Variants in KCNIP4 observed in about 807,000 individuals in gnomAD.
KCNIP4 encodes the protein Kv channel-interacting protein 4.
Under a neutral mutation model 34.0 loss-of-function variants are expected in KCNIP4, and 12 were observed. That is an observed-to-expected ratio of 0.35 (90% CI 0.23 to 0.57). The LOEUF is 0.57. Ranked by LOEUF, KCNIP4 falls within the 20% of genes least tolerant of loss-of-function variation. KCNIP4 has a pLI of 0.83. For missense variants in KCNIP4, 238 were observed against 311.7 expected (o/e 0.76, Z 1.78); for synonymous variants, 124 against 102.2 (o/e 1.21, Z -1.29).
chr4:21,829,925 G>A (rs1172506306), intron 1 of KCNIP4, among the ~76,000 whole-genome samples: 1 of 151,908 alleles, frequency 6.6e-6, no homozygotes, highest in African/African-American at 2.4e-5. Flanking sequence ...AAAAGAGGAA[G>A]AAAGGAACAA....
intron 1 of KCNIP4, chr4:21,613,708 G>A (rs955910237): frequency 1.1e-4 from 16 of 152,182 alleles, no homozygotes; most frequent in Admixed American, 6.5e-5. Flanking sequence ...ACCATTAAAT[G>A]TGACCTGCAT....
chr4:21,603,812 T>C (rs888658707), intron 1 of KCNIP4, among the ~76,000 whole-genome samples: 2 of 152,158 alleles, frequency 1.3e-5, no homozygotes, highest in African/African-American at 4.8e-5. Flanking sequence ...AAAACTATAA[T>C]ATCTGAAATT....
intron 1 of KCNIP4, among the ~76,000 whole-genome samples, chr4:21,204,890 C>A (rs1452340470): frequency 6.6e-6 from 1 of 152,102 alleles, no homozygotes; most frequent in African/African-American, 2.4e-5. Context: ...GTTTGGGAGC[C>A]TTTATATCAA....
intron 1 of KCNIP4, among the ~76,000 whole-genome samples, chr4:21,062,617 T>C (rs1272072756): frequency 6.6e-6 from 1 of 152,004 alleles, no homozygotes; most frequent in Admixed American, 6.6e-5. Flanking sequence ...TTGCAAGATC[T>C]ACATGGTGAG....
At chr4:21,495,904 T>C (rs1732809478) in intron 1 of KCNIP4, among the ~76,000 whole-genome samples, 1 of 152,214 alleles carries the variant, frequency 6.6e-6, no homozygotes, top group Admixed American at 6.5e-5. Context: ...TAACTGGAAG[T>C]ACCAGGTAAA....
chr4:21,197,373 A>T (rs932920622), intron 1 of KCNIP4, among the ~76,000 whole-genome samples: 2 of 152,184 alleles, frequency 1.3e-5, no homozygotes, highest in South Asian at 2.1e-4. Flanking sequence ...GCCAAGCTGT[A>T]TCCATGCCTT....
chr4:20,912,167 C>T (rs1375718441), intron 1 of KCNIP4, among the ~76,000 whole-genome samples: 1 of 152,126 alleles, frequency 6.6e-6, no homozygotes, highest in African/African-American at 2.4e-5. Flanking sequence ...TACTCCTCTG[C>T]TTATCCTTCA....
intron 1 of KCNIP4, among the ~76,000 whole-genome samples, chr4:21,879,846 G>A (rs1726363707): frequency 6.6e-6 from 1 of 152,104 alleles, no homozygotes. Context: ...GAATCATGGA[G>A]GCAGTTACCT....
At chr4:21,883,686 TG>T (rs1329774810) in intron 1 of KCNIP4, among the ~76,000 whole-genome samples, 5 of 152,142 alleles carry the variant, frequency 3.3e-5, no homozygotes, top group African/African-American at 1.2e-4. Context: ...ACAGTGCTAC[TG>T]ACTATCCACA....
intron 1 of KCNIP4, among the ~76,000 whole-genome samples, chr4:21,939,306 C>T (rs149244790): frequency 2.2e-3 from 342 of 152,098 alleles, no homozygotes; most frequent in Middle Eastern, 3.4e-3. Flanking sequence ...CAGGGTGTAG[C>T]GGAGACTCCT....
At chr4:20,895,251 C>T (rs1247282019) in intron 1 of KCNIP4, among the ~76,000 whole-genome samples, 14 of 152,092 alleles carry the variant, frequency 9.2e-5, no homozygotes, top group Admixed American at 9.2e-4. Context: ...CTTCTTAACC[C>T]ATCTTGTCTT....
intron 1 of KCNIP4, among the ~76,000 whole-genome samples, chr4:21,033,978 G>A (rs544567977): frequency 1.3e-5 from 2 of 152,190 alleles, no homozygotes; most frequent in South Asian, 2.1e-4. Context: ...TTTTCTGCGT[G>A]TATTGCAAGT....
chr4:20,969,272 T>C (rs1734684974), intron 1 of KCNIP4, among the ~76,000 whole-genome samples: 1 of 152,070 alleles, frequency 6.6e-6, no homozygotes. Flanking sequence ...GGAAAACTAG[T>C]TTCAAGCTCC....
chr4:20,967,184 T>G (rs1316733396), intron 1 of KCNIP4, among the ~76,000 whole-genome samples: 2 of 152,180 alleles, frequency 1.3e-5, no homozygotes, highest in South Asian at 2.1e-4. Flanking sequence ...AAAGTATGCA[T>G]GATTATTGGT....
At chr4:21,871,184 T>G (rs1725776500) in intron 1 of KCNIP4, among the ~76,000 whole-genome samples, 1 of 151,116 alleles carries the variant, frequency 6.6e-6, no homozygotes, top group Admixed American at 6.6e-5. Flanking sequence ...CATGTTGGTG[T>G]GCTGCACCCA....
rs36044149 is a variant in KCNIP4 at position 20,988,000 on chromosome 4, C to CAAAAAAAAAAAAAAAAAAAAAAAAAAAA, written c.62-105292_62-105291insTTTTTTTTTTTTTTTTTTTTTTTTTTTT. Among the ~76,000 whole-genome samples the CAAAAAAAAAAAAAAAAAAAAAAAAAAAA allele has an allele frequency of 3.7e-4, 17 of 46,328 alleles. 2 individuals are homozygous for CAAAAAAAAAAAAAAAAAAAAAAAAAAAA. Among genetic ancestry groups the CAAAAAAAAAAAAAAAAAAAAAAAAAAAA allele is most frequent in the Non-Finnish European group, 4.8e-4 (12 of 24,982 alleles). 30.4% of individuals were successfully genotyped at this position (46,328 alleles called of 152,430 possible). Reference sequence around the variant, plus strand: ...TGGGCGACACGGCGAGATTCCATCTCAAAAAAAAAAAAAAAAAAAAAATTA... The same window carrying CAAAAAAAAAAAAAAAAAAAAAAAAAAAA: ...TGGGCGACACGGCGAGATTCCATCTCAAAAAAAAAAAAAAAAAAAAAAAAAAAAAAAAAAAAAAAAAAAAAAAAAATTA... On this transcript the variant is annotated intron_variant, in intron 1 of 8. Transcript: ENST00000382152.
At chr4:21,059,246 A>G (rs944269111) in intron 1 of KCNIP4, among the ~76,000 whole-genome samples, 1 of 152,190 alleles carries the variant, frequency 6.6e-6, no homozygotes, top group Non-Finnish European at 1.5e-5. Context: ...GTCTAAAAAT[A>G]TCCGACTTTT....
At chr4:20,745,646 C>G (rs914425030) in intron 5 of KCNIP4, among the ~76,000 whole-genome samples, 1 of 152,126 alleles carries the variant, frequency 6.6e-6, no homozygotes, top group African/African-American at 2.4e-5. Context: ...GTACCGAATT[C>G]TGGTTTCCAT....
At chr4:21,700,556 GTT>G (rs894145626) in intron 1 of KCNIP4, among the ~76,000 whole-genome samples, 11 of 128,982 alleles carry the variant, frequency 8.5e-5, no homozygotes, top group African/African-American at 4.1e-4. Flanking sequence ...CTGTGTTTTT[GTT>G]GTTTTTTTTT....
Sources: gnomAD v4.1 joint callset for allele counts (sites outside exome capture counted in the v4.1 genomes callset) on GRCh38, gnomAD v4.1.1 for gene constraint, MANE v1.5 for transcripts, NCBI Gene and HGNC (gene_info 2026-07-23, HGNC 2026-07-21) for gene names.